The following PALM2AKAP2 variants were observed in gnomAD, a reference collection of about 807,000 sequenced individuals.
The protein encoded by PALM2AKAP2 is PALM2 and AKAP2 fusion.
Under a neutral mutation model 71.5 loss-of-function variants are expected in PALM2AKAP2, and 37 were observed. The ratio of observed to expected loss-of-function variants is 0.52; its 90% confidence interval spans 0.40 to 0.68. The LOEUF (loss-of-function observed/expected upper bound fraction) is 0.68, where lower values mean the gene tolerates loss of function less well. Among genes scored for constraint, PALM2AKAP2 ranks in the 30% least tolerant of loss-of-function variants. PALM2AKAP2 has a pLI of 0.00. For missense variants in PALM2AKAP2, 1,224 were observed against 1,191.8 expected (o/e 1.03, Z -0.40); for synonymous variants, 468 against 478.8 (o/e 0.98, Z 0.29).
At chr9:109,981,384 T>C (rs1174223264) in intron 6 of PALM2AKAP2, among the ~76,000 whole-genome samples, 1 of 152,158 alleles carries the variant, frequency 6.6e-6, no homozygotes, top group Admixed American at 6.5e-5. Flanking sequence ...TAGATGGGCT[T>C]GAAGGGTTGA....
chr9:109,879,789 C>T (rs1028240992), intron 2 of PALM2AKAP2, among the ~76,000 whole-genome samples: 2 of 151,624 alleles, frequency 1.3e-5, no homozygotes, highest in East Asian at 3.9e-4. Context: ...CTTGACCTAC[C>T]TGGCTCAAGC....
At chr9:110,120,572 G>C (rs910413047) in intron 1 of PALM2AKAP2, among the ~76,000 whole-genome samples, 1 of 152,174 alleles carries the variant, frequency 6.6e-6, no homozygotes, top group East Asian at 1.9e-4. Flanking sequence ...GTGCGATCTC[G>C]GCTCACTGCA....
intron 1 of PALM2AKAP2, among the ~76,000 whole-genome samples, chr9:109,684,121 G>C (rs913086525): frequency 2.6e-5 from 4 of 152,214 alleles, no homozygotes; most frequent in Middle Eastern, 3.4e-3. Context: ...CCTGATGAAT[G>C]GCATATGTGC....
intron 7 of PALM2AKAP2, among the ~76,000 whole-genome samples, chr9:110,017,677 T>C (rs1303659876): frequency 6.6e-6 from 1 of 152,020 alleles, no homozygotes; most frequent in Non-Finnish European, 1.5e-5. Context: ...AGACAGACAT[T>C]CAAGTAGTCA....
intron 1 of PALM2AKAP2, among the ~76,000 whole-genome samples, chr9:109,784,720 G>A (rs1172220787): frequency 6.6e-6 from 1 of 152,230 alleles, no homozygotes; most frequent in Non-Finnish European, 1.5e-5. Flanking sequence ...TTTGAATGCT[G>A]CCCGCAGCAG....
At chr9:109,717,990 A>G (rs1828351881) in intron 1 of PALM2AKAP2, among the ~76,000 whole-genome samples, 1 of 152,198 alleles carries the variant, frequency 6.6e-6, no homozygotes, top group African/African-American at 2.4e-5. Context: ...TTTTGCCTTT[A>G]GTTTCACTTA....
At chr9:109,844,646 A>G (rs1828800168) in intron 1 of PALM2AKAP2, among the ~76,000 whole-genome samples, 1 of 152,200 alleles carries the variant, frequency 6.6e-6, no homozygotes, top group South Asian at 2.1e-4. Context: ...AGAAATGCCA[A>G]GTGTATATGT....
intron 1 of PALM2AKAP2, among the ~76,000 whole-genome samples, chr9:110,114,364 C>T (rs1355889471): frequency 1.3e-5 from 2 of 152,190 alleles, no homozygotes; most frequent in Non-Finnish European, 2.9e-5. Flanking sequence ...TTGGGGCCCA[C>T]TCTCACCCAG....
intron 1 of PALM2AKAP2, among the ~76,000 whole-genome samples, chr9:109,792,254 TA>T (rs1369462016): frequency 2.0e-5 from 3 of 152,064 alleles, no homozygotes; most frequent in African/African-American, 7.2e-5. Context: ...AAGCACTCTT[TA>T]AAAAAAATGA....
At chr9:110,071,727 G>A (rs963725035) in intron 1 of PALM2AKAP2, among the ~76,000 whole-genome samples, 1 of 152,140 alleles carries the variant, frequency 6.6e-6, no homozygotes, top group African/African-American at 2.4e-5. Flanking sequence ...TTTCTTGTGG[G>A]TAAATTTCGG....
At chr9:109,846,197 A>G (rs1828850017) in intron 1 of PALM2AKAP2, among the ~76,000 whole-genome samples, 1 of 152,144 alleles carries the variant, frequency 6.6e-6, no homozygotes, top group African/African-American at 2.4e-5. Flanking sequence ...GATGTCCTGC[A>G]CAGAAACCTG....
chr9:109,751,739 G>A lies in PALM2AKAP2; in HGVS notation c.6-28749G>A, dbSNP rs151128421. Among the ~76,000 whole-genome samples the A allele has an allele frequency of 6.7e-3, 1,025 of 152,200 alleles. 3 individuals carry two copies. Among genetic ancestry groups the A allele is most frequent in the Non-Finnish European group, 0.011 (764 of 68,002 alleles). Reference sequence around the variant, plus strand: ...TAGGATTTCTAGGGAATTTCTGGCCGTTCAAAAATGTCATCTGAACCCAAA... The same window carrying A: ...TAGGATTTCTAGGGAATTTCTGGCCATTCAAAAATGTCATCTGAACCCAAA... On this transcript the variant is annotated intron_variant, in intron 1 of 6. Coordinates refer to the PALM2AKAP2 transcript ENST00000374531.
At chr9:110,094,291 A>G (rs191045764) in intron 1 of PALM2AKAP2, among the ~76,000 whole-genome samples, 26 of 152,340 alleles carry the variant, frequency 1.7e-4, no homozygotes, top group Non-Finnish European at 1.6e-4. Context: ...AGATGATTGT[A>G]TACATTTTCT....
intron 2 of PALM2AKAP2, among the ~76,000 whole-genome samples, chr9:110,153,130 G>C (rs552915712): frequency 3.3e-5 from 5 of 152,282 alleles, no homozygotes; most frequent in African/African-American, 1.2e-4. Context: ...GGAAAAACTT[G>C]CTCAAGGGAT....
intron 1 of PALM2AKAP2, among the ~76,000 whole-genome samples, chr9:110,096,956 A>T (rs1348617791): frequency 1.7e-5 from 2 of 119,994 alleles, no homozygotes; most frequent in Admixed American, 8.0e-5. Context: ...TTATTTATTT[A>T]TTTATTATTT....
At chr9:109,982,435 G>C (rs948544892) in intron 6 of PALM2AKAP2, among the ~76,000 whole-genome samples, 1 of 152,096 alleles carries the variant, frequency 6.6e-6, no homozygotes, top group Non-Finnish European at 1.5e-5. Context: ...TTTATTGTAC[G>C]TTTTAAAATA....
chr9:110,055,882 A>G (rs1408830193), intron 1 of PALM2AKAP2, among the ~76,000 whole-genome samples: 3 of 152,140 alleles, frequency 2.0e-5, no homozygotes, highest in South Asian at 4.1e-4. Context: ...AACTGCCACC[A>G]TACCACAGCA....
intron 1 of PALM2AKAP2, among the ~76,000 whole-genome samples, chr9:109,645,422 G>A (rs1387956224): frequency 6.6e-6 from 1 of 151,814 alleles, no homozygotes; most frequent in African/African-American, 2.4e-5. Flanking sequence ...ATTTGGGTGG[G>A]GACACAGAGA....
intron 2 of PALM2AKAP2, among the ~76,000 whole-genome samples, chr9:110,150,742 C>A (rs1836292330): frequency 6.6e-6 from 1 of 152,192 alleles, no homozygotes; most frequent in South Asian, 2.1e-4. Flanking sequence ...GTGCTATGCA[C>A]TTTTGCTTTC....
Sources: gnomAD v4.1 joint callset for allele counts (sites outside exome capture counted in the v4.1 genomes callset) on GRCh38, gnomAD v4.1.1 for gene constraint, MANE v1.5 for transcripts, NCBI Gene and HGNC (gene_info 2026-07-23, HGNC 2026-07-21) for gene names.